Variants in COMMD10 observed in about 807,000 individuals in gnomAD.
COMMD10 encodes COMM domain containing 10.
COMMD10 carries 33 observed loss-of-function variants against 28.9 expected under a neutral mutation model. That is an observed-to-expected ratio of 1.14 (90% CI 0.87 to 1.53). The LOEUF (loss-of-function observed/expected upper bound fraction) is 1.53. Ranked by LOEUF, COMMD10 falls within the 40% of genes most tolerant of loss-of-function variation. The probability of loss-of-function intolerance (pLI) is 0.00; values close to 1 mark genes in which losing one functional copy is unlikely to be tolerated. For missense variants in COMMD10, 310 were observed against 233.4 expected (o/e 1.33, Z -2.14); for synonymous variants, 110 against 81.7 (o/e 1.35, Z -1.87).
intron 5 of COMMD10, among the ~76,000 whole-genome samples, chr5:116,288,856 T>A (rs1751287339): frequency 6.7e-6 from 1 of 150,206 alleles, no homozygotes; most frequent in African/African-American, 2.5e-5. Context: ...TGTTTTCAAT[T>A]GTTGGTGTTC....
chr5:116,088,646 A>G (rs533384804), intron 2 of COMMD10, among the ~76,000 whole-genome samples: 41 of 152,312 alleles, frequency 2.7e-4, no homozygotes, highest in African/African-American at 9.6e-4. Context: ...ACAACTTGCC[A>G]TGAACTTTTT....
At chr5:116,267,122 A>C (rs561892193) in intron 5 of COMMD10, among the ~76,000 whole-genome samples, 3 of 151,854 alleles carry the variant, frequency 2.0e-5, no homozygotes, top group Non-Finnish European at 4.4e-5. Flanking sequence ...GAAAGAAATA[A>C]AGGGTAGTCA....
intron 5 of COMMD10, among the ~76,000 whole-genome samples, chr5:116,241,849 C>T (rs1303710969): frequency 6.6e-6 from 1 of 151,556 alleles, no homozygotes; most frequent in Non-Finnish European, 1.5e-5. Context: ...TATCTCCTGA[C>T]CTCGTGATCC....
intron 5 of COMMD10, among the ~76,000 whole-genome samples, chr5:116,256,824 AG>A (rs1338015806): frequency 6.6e-6 from 1 of 151,738 alleles, no homozygotes; most frequent in East Asian, 1.9e-4. Context: ...CAGAAAGCAA[AG>A]GTATCCCTGT....
At chr5:116,127,461 A>G (rs930079743) in intron 4 of COMMD10, among the ~76,000 whole-genome samples, 14 of 152,218 alleles carry the variant, frequency 9.2e-5, no homozygotes, top group African/African-American at 2.9e-4. Flanking sequence ...ATGCTGCTAT[A>G]AAGACACATG....
rs553635840 is a variant in COMMD10 at position 116,148,353 on chromosome 5, C to G, written c.510+14175C>G. On this transcript the variant is annotated intron_variant, in intron 5 of 6. Coordinates refer to ENST00000274458, the MANE Select transcript of COMMD10 (RefSeq NM_016144.4). ...GCTCCTTCCCTTTCTTCCTCTCTTT[C>G]TCTTTCCCCCTCTTGGCTTCTTCTT... Among the ~76,000 whole-genome samples the G allele has an allele frequency of 3.9e-5, 6 of 151,984 alleles. No individual in the cohort carries two copies. In the South Asian group the frequency reaches 1.0e-3, roughly 26 times the overall value.
At chr5:116,290,384 T>TAG (rs199885030) in intron 5 of COMMD10, among the ~76,000 whole-genome samples, 1 of 151,422 alleles carries the variant, frequency 6.6e-6, no homozygotes. Context: ...AGTACTTAGA[T>TAG]ATATGAGAGA....
intron 4 of COMMD10, among the ~76,000 whole-genome samples, chr5:116,111,905 C>T (rs1425347343): frequency 6.6e-6 from 1 of 152,104 alleles, no homozygotes; most frequent in African/African-American, 2.4e-5. Context: ...GTCTAACTCT[C>T]TTTAGGTCTA....
At chr5:116,226,680 C>T (rs981798777) in intron 5 of COMMD10, among the ~76,000 whole-genome samples, 4 of 151,816 alleles carry the variant, frequency 2.6e-5, no homozygotes, top group Non-Finnish European at 4.4e-5. Flanking sequence ...TTCCTGAAGC[C>T]AATACCTTGG....
chr5:116,123,808 G>T (rs1751523305), intron 4 of COMMD10, among the ~76,000 whole-genome samples: 1 of 152,034 alleles, frequency 6.6e-6, no homozygotes, highest in Non-Finnish European at 1.5e-5. Context: ...GAGGGTGTAT[G>T]TGTCCAGGAA....
intron 5 of COMMD10, among the ~76,000 whole-genome samples, chr5:116,210,779 T>C (rs1030974352): frequency 5.3e-5 from 8 of 152,134 alleles, no homozygotes; most frequent in Non-Finnish European, 8.8e-5. Context: ...TCCAAGTGTT[T>C]ATAGTGTTAG....
chr5:116,091,000 A>G, intron 2 of COMMD10, 79 bp from the exon 3 acceptor site: 1 of 791,206 alleles, frequency 1.3e-6, no homozygotes, highest in Non-Finnish European at 2.0e-6. Context: ...TCATATACGA[A>G]TAAATGAATC....
intron 5 of COMMD10, among the ~76,000 whole-genome samples, chr5:116,167,528 CA>C (rs1392378136): frequency 6.6e-6 from 1 of 152,066 alleles, no homozygotes; most frequent in Non-Finnish European, 1.5e-5. Context: ...AGAGCAACCC[CA>C]AGACACATAA....
chr5:116,267,810 C>G (rs1167245174), intron 5 of COMMD10, among the ~76,000 whole-genome samples: 1 of 151,904 alleles, frequency 6.6e-6, no homozygotes, highest in Admixed American at 6.6e-5. Context: ...CTACAACCAT[C>G]TGATCTTTGA....
chr5:116,123,704 T>G (rs1373841176), intron 4 of COMMD10, among the ~76,000 whole-genome samples: 1 of 152,110 alleles, frequency 6.6e-6, no homozygotes, highest in Non-Finnish European at 1.5e-5. Context: ...GGTCCTTGGC[T>G]TTTTTTGGTT....
chr5:116,153,856 A>C (rs377345687), intron 5 of COMMD10, among the ~76,000 whole-genome samples: 1 of 152,192 alleles, frequency 6.6e-6, no homozygotes, highest in African/African-American at 2.4e-5. Context: ...GAAGAGTGAG[A>C]GAATGACCTT....
intron 5 of COMMD10, among the ~76,000 whole-genome samples, chr5:116,153,927 G>A (rs1473725330): frequency 6.6e-6 from 1 of 152,038 alleles, no homozygotes; most frequent in Non-Finnish European, 1.5e-5. Flanking sequence ...TACGGGTGAT[G>A]GAGCACTTAG....
At chr5:116,123,080 T>A (rs1751497630) in intron 4 of COMMD10, among the ~76,000 whole-genome samples, 1 of 152,212 alleles carries the variant, frequency 6.6e-6, no homozygotes, top group African/African-American at 2.4e-5. Context: ...ATGCTTCTAG[T>A]TTTTGCCCAT....
chr5:116,164,092 G>A (rs1580508018), intron 5 of COMMD10, among the ~76,000 whole-genome samples: 3 of 152,222 alleles, frequency 2.0e-5, no homozygotes, highest in Admixed American at 1.3e-4. Flanking sequence ...TAAGGAGGGC[G>A]GATCACCTGA....
Sources: gnomAD v4.1 joint callset for allele counts (sites outside exome capture counted in the v4.1 genomes callset) on GRCh38, gnomAD v4.1.1 for gene constraint, MANE v1.5 for transcripts, NCBI Gene and HGNC (gene_info 2026-07-23, HGNC 2026-07-21) for gene names.